Variants in DNAH6 observed in about 807,000 individuals in gnomAD.
The protein encoded by DNAH6 is dynein axonemal heavy chain 6, also known as axonemal beta dynein heavy chain 6.
Under a neutral mutation model 491.4 loss-of-function variants are expected in DNAH6, and 340 were observed. That is an observed-to-expected ratio of 0.69 (90% CI 0.63 to 0.76). The LOEUF is 0.76. Ranked by LOEUF, DNAH6 falls within the 30% of genes least tolerant of loss-of-function variation. The pLI is 0.00. For missense variants in DNAH6, 4,443 were observed against 4,972.2 expected, an observed-to-expected ratio of 0.89 and a Z score of 3.20; for synonymous variants, 1,603 against 1,686.1, an observed-to-expected ratio of 0.95 and a Z score of 1.21.
chr2:84,691,715 T>C (rs942827206), intron 45 of DNAH6, among the ~76,000 whole-genome samples: 37 of 146,300 alleles, frequency 2.5e-4, no homozygotes, highest in African/African-American at 8.8e-4. Flanking sequence ...CAACAAACTT[T>C]ATTTATAGAC....
chr2:84,499,887 G>GT, the DNAH6 span, among the ~76,000 whole-genome samples: 13 of 147,584 alleles, frequency 8.8e-5, no homozygotes, highest in South Asian at 2.1e-4. Context: ...CAGGTTATTA[G>GT]TTTTTTTTTT....
intron 16 of DNAH6, among the ~76,000 whole-genome samples, chr2:84,593,157 G>A (rs1028160469): frequency 3.9e-5 from 6 of 152,166 alleles, no homozygotes; most frequent in Non-Finnish European, 7.4e-5. Flanking sequence ...AACCTGAAAT[G>A]AAACTGTGTC....
intron 75 of DNAH6, among the ~76,000 whole-genome samples, chr2:84,814,988 A>G (rs1216126511): frequency 6.6e-6 from 1 of 152,248 alleles, no homozygotes; most frequent in Non-Finnish European, 1.5e-5. Flanking sequence ...TCTGTTGCAA[A>G]CAGGCAAGAC....
Position 84,801,879 on chromosome 2 carries a change from GA to G in DNAH6, c.11482-3773del, listed in dbSNP as rs755464606. Among the ~76,000 whole-genome samples the G allele has an allele frequency of 1.5e-3, 180 of 123,974 alleles. 1 individual carries two copies. The highest frequency in any genetic ancestry group is 0.011 in the East Asian group (47 of 4,392). 81.3% of individuals were successfully genotyped at this position (123,974 alleles called of 152,430 possible). On this transcript the variant is annotated intron_variant, in intron 70 of 76. Transcript: ENST00000389394. ...AGCCTGGGTGACAGAGTGAGGCTCTGAAAAAAAAAAAAAGAAAAGAAAAAAA... is the reference window on the plus strand; with the variant it reads ...AGCCTGGGTGACAGAGTGAGGCTCTGAAAAAAAAAAAAGAAAAGAAAAAAA...
chr2:84,661,191 C>T (rs1279678939), intron 37 of DNAH6, among the ~76,000 whole-genome samples: 4 of 151,852 alleles, frequency 2.6e-5, no homozygotes, highest in African/African-American at 9.7e-5. Flanking sequence ...TCTAATTCAC[C>T]CTCTCTACTA....
chr2:84,642,984 G>T (rs1163381719), intron 33 of DNAH6, among the ~76,000 whole-genome samples: 1 of 151,902 alleles, frequency 6.6e-6, no homozygotes, highest in African/African-American at 2.4e-5. Context: ...CTTCCTTTAG[G>T]TAGATCAGAG....
chr2:84,762,767 C>T lies in DNAH6; in HGVS notation c.10525C>T (p.Leu3509Phe), dbSNP rs749987856. The T allele has an allele frequency of 1.7e-5, 26 of 1,548,418 alleles. No individual in the cohort carries two copies. In the Middle Eastern group the frequency reaches 1.3e-3, roughly 79 times the overall value. The stretch of plus-strand genomic sequence containing the variant: ...TTTCAACTTTCAGGTGGTTTTTGCT[C>T]TTACAGACTTTGTGATAGAAAATCT... ...CCKEEKVVFALTDFVIENLGK... is the reference protein window; with the variant it reads ...CCKEEKVVFAFTDFVIENLGK... Residue 3509 changes from leucine (L) to phenylalanine (F), a missense_variant, in exon 64 of 77, where the codon CTT (leucine) becomes TTT (phenylalanine). By Grantham distance (22) the Leu-to-Phe change is conservative. Around this residue, in one of 3 missense-constraint regions of DNAH6, gnomAD observed 1,463 missense variants for 1,656.6 expected, o/e 0.88. Coordinates refer to ENST00000389394, the MANE Select transcript of DNAH6 (RefSeq NM_001370.2).
intron 1 of DNAH6, 142 bp downstream of exon 1, chr2:84,516,725 A>G (rs1354211587): frequency 6.6e-6 from 1 of 152,222 alleles, no homozygotes; most frequent in Admixed American, 6.5e-5. Flanking sequence ...CTATCCGCCC[A>G]TCATTTTAGA....
intron 61 of DNAH6, among the ~76,000 whole-genome samples, chr2:84,730,104 GA>G (rs1354286180): frequency 2.0e-5 from 3 of 152,086 alleles, no homozygotes; most frequent in Non-Finnish European, 4.4e-5. Context: ...ATGCCCGATG[GA>G]ATCTGGAGTT....
At chr2:84,719,697 T>A (rs1697899674) in intron 59 of DNAH6, among the ~76,000 whole-genome samples, 1 of 151,856 alleles carries the variant, frequency 6.6e-6, no homozygotes, top group Non-Finnish European at 1.5e-5. Context: ...TTTTTTTTTT[T>A]ATTTTTTGTA....
intron 70 of DNAH6, among the ~76,000 whole-genome samples, chr2:84,805,038 A>G (rs114726203): frequency 4.2e-4 from 64 of 152,010 alleles, no homozygotes; most frequent in Non-Finnish European, 7.5e-4. Context: ...GTCTCAAACT[A>G]TTGGGCTAAA....
At chr2:84,542,961 C>A (rs1678406488) in intron 4 of DNAH6, among the ~76,000 whole-genome samples, 1 of 152,108 alleles carries the variant, frequency 6.6e-6, no homozygotes, top group African/African-American at 2.4e-5. Context: ...CAGTTCGAGA[C>A]CAGCCTGGTC....
At chr2:84,615,776 A>AT (rs150561196) in intron 22 of DNAH6, among the ~76,000 whole-genome samples, 12,117 of 148,766 alleles carry the variant, frequency 0.081, 1,311 homozygotes, top group African/African-American at 0.25. Flanking sequence ...ATTTCTAAGT[A>AT]TTTTTTTTTT....
intron 2 of DNAH6, among the ~76,000 whole-genome samples, chr2:84,522,489 G>A (rs1408889546): frequency 1.3e-5 from 2 of 152,056 alleles, no homozygotes; most frequent in Non-Finnish European, 2.9e-5. Flanking sequence ...TGATTGCTCT[G>A]GACAGGACTT....
At chr2:84,718,179 T>G (rs1445198847) in intron 58 of DNAH6, 25 bp from the exon 59 acceptor site, 3 of 1,482,686 alleles carry the variant, frequency 2.0e-6, no homozygotes, top group Admixed American at 2.7e-5. Context: ...GAGACATAAT[T>G]TAGATATCTG....
intron 72 of DNAH6, among the ~76,000 whole-genome samples, chr2:84,809,665 T>C (rs1679773489): frequency 1.3e-5 from 2 of 152,120 alleles, no homozygotes; most frequent in Admixed American, 1.3e-4. Flanking sequence ...CTAACAGCCC[T>C]GAGGGAGCCC....
the DNAH6 span, among the ~76,000 whole-genome samples, chr2:84,470,675 G>A: frequency 1.7e-4 from 26 of 152,144 alleles, no homozygotes; most frequent in South Asian, 4.1e-4. Flanking sequence ...TGCTGACCTC[G>A]TATCTCATCC....
At position 84,535,056 on chromosome 2, in the gene DNAH6, A is replaced by T. The variant is rs542731212; in HGVS notation, c.662+5890A>T. 3.4e-3 allele frequency among the ~76,000 whole-genome samples: 524 copies of T among 151,936 alleles called. 1 individual carries two copies. Among genetic ancestry groups the T allele is most frequent in the African/African-American group, 0.011 (476 of 41,510 alleles). ...GAGTGTAATTAATGTTTATTTTTTTAATTTTATAATTTTACTTCTTAAATT... is the reference window on the plus strand; with the variant it reads ...GAGTGTAATTAATGTTTATTTTTTTTATTTTATAATTTTACTTCTTAAATT... On this transcript the variant is annotated intron_variant, in intron 4 of 76. Transcript: ENST00000389394.
At chr2:84,641,750 T>A (rs1281499255) in intron 32 of DNAH6, among the ~76,000 whole-genome samples, 197 bp from the exon 33 acceptor site, 1 of 152,160 alleles carries the variant, frequency 6.6e-6, no homozygotes, top group Non-Finnish European at 1.5e-5. Flanking sequence ...CTTGTCATTC[T>A]CTCCAAGGCT....
Sources: allele counts gnomAD v4.1 joint callset (sites outside exome capture counted in the v4.1 genomes callset), GRCh38; gene constraint gnomAD v4.1.1; regional missense constraint gnomAD v4.1.1; transcripts MANE v1.5; gene names NCBI Gene and HGNC (gene_info 2026-07-23, HGNC 2026-07-21).